Variants in TMEM135 observed in about 807,000 individuals in gnomAD.
The protein encoded by TMEM135 is transmembrane protein 135.
A neutral mutation model predicts 60.3 loss-of-function variants in TMEM135; 30 were observed. That is an observed-to-expected ratio of 0.50 (90% CI 0.37 to 0.68). The LOEUF (loss-of-function observed/expected upper bound fraction) is 0.68. Ranked by LOEUF, TMEM135 falls within the 30% of genes least tolerant of loss-of-function variation. TMEM135 has a pLI of 0.00. For missense variants in TMEM135, 468 were observed against 548.8 expected (o/e 0.85, Z 1.47); for synonymous variants, 190 against 186.7 (o/e 1.02, Z -0.14).
At chr11:87,189,749 G>A (rs902762981) in intron 5 of TMEM135, among the ~76,000 whole-genome samples, 7 of 114,994 alleles carry the variant, frequency 6.1e-5, no homozygotes, top group Admixed American at 5.1e-4. Context: ...GTGAGATCCC[G>A]TCTCCACAGA....
At chr11:87,174,807 T>C (rs979733711) in intron 5 of TMEM135, among the ~76,000 whole-genome samples, 4 of 152,180 alleles carry the variant, frequency 2.6e-5, no homozygotes, top group African/African-American at 7.2e-5. Context: ...AAAATAGTTT[T>C]GTTTGTCATA....
In TMEM135 at chr11:87,087,877, C is replaced by A. The variant is rs187162381; in HGVS notation, c.363-3485C>A. Among the ~76,000 whole-genome samples, 598 of 152,284 alleles carry A rather than the reference C, an allele frequency of 3.9e-3. 3 individuals are homozygous for A. The highest frequency in any genetic ancestry group is 0.014 in the African/African-American group (576 of 41,562). On this transcript the variant is annotated intron_variant, in intron 3 of 14. Coordinates refer to ENST00000305494, the MANE Select transcript of TMEM135 (RefSeq NM_022918.4). ...TCAGCCTCCCGAGTAGCTGGGATTA[C>A]AGGCATGCACCACCACGCCCAGCTA...
chr11:87,115,498 ACTTTGC>A, intron 4 of TMEM135, among the ~76,000 whole-genome samples: 1 of 152,262 alleles, frequency 6.6e-6, no homozygotes, highest in East Asian at 1.9e-4. Flanking sequence ...TTTTGTAATT[ACTTTGC>A]CTTTGACTTC....
chr11:87,044,458 C>T (rs1053449309), intron 1 of TMEM135, among the ~76,000 whole-genome samples: 2 of 152,096 alleles, frequency 1.3e-5, no homozygotes, highest in Non-Finnish European at 2.9e-5. Context: ...ATGTAAACTA[C>T]TCAGAATATC....
chr11:87,112,767 C>T (rs12280809), intron 4 of TMEM135, among the ~76,000 whole-genome samples: 11,599 of 150,962 alleles, frequency 0.077, 564 homozygotes, highest in Non-Finnish European at 0.1. Flanking sequence ...GATACAGGTT[C>T]TTATCATTTG....
At chr11:87,106,606 A>AT (rs142664106) in intron 4 of TMEM135, among the ~76,000 whole-genome samples, 2,271 of 151,988 alleles carry the variant, frequency 0.015, 61 homozygotes, top group African/African-American at 0.052. Context: ...TTCTATTTCA[A>AT]TTTTTTGGAA....
intron 5 of TMEM135, among the ~76,000 whole-genome samples, chr11:87,221,784 T>C (rs996569156): frequency 6.6e-6 from 1 of 152,204 alleles, no homozygotes; most frequent in Non-Finnish European, 1.5e-5. Flanking sequence ...ATCAAAATCA[T>C]TTTTACTGTT....
At chr11:87,070,194 C>T (rs939568371) in intron 2 of TMEM135, among the ~76,000 whole-genome samples, 1 of 151,866 alleles carries the variant, frequency 6.6e-6, no homozygotes, top group Non-Finnish European at 1.5e-5. Context: ...AAGCTTTATT[C>T]TTATATATAT....
At chr11:87,283,871 A>G (rs1249957400) in intron 6 of TMEM135, among the ~76,000 whole-genome samples, 1 of 152,236 alleles carries the variant, frequency 6.6e-6, no homozygotes, top group African/African-American at 2.4e-5. Flanking sequence ...AAATAAAAAA[A>G]GAAAAGAAAT....
chr11:87,150,035 T>C (rs1938515552), intron 4 of TMEM135, among the ~76,000 whole-genome samples: 2 of 151,996 alleles, frequency 1.3e-5, no homozygotes, highest in African/African-American at 4.8e-5. Context: ...CTGACTAACA[T>C]GGTGAAACCT....
At chr11:87,108,452 T>G (rs1857655456) in intron 4 of TMEM135, among the ~76,000 whole-genome samples, 1 of 152,096 alleles carries the variant, frequency 6.6e-6, no homozygotes, top group South Asian at 2.1e-4. Context: ...TTATTTTTCT[T>G]CTCTCTTAGA....
intron 3 of TMEM135, among the ~76,000 whole-genome samples, chr11:87,086,303 G>A (rs892695071): frequency 6.6e-6 from 1 of 152,056 alleles, no homozygotes; most frequent in African/African-American, 2.4e-5. Flanking sequence ...CACAGCCAGT[G>A]ATGCCCCCTG....
At chr11:87,112,823 T>C (rs1209203578) in intron 4 of TMEM135, among the ~76,000 whole-genome samples, 1 of 152,048 alleles carries the variant, frequency 6.6e-6, no homozygotes, top group African/African-American at 2.4e-5. Flanking sequence ...TTTTTTTTCT[T>C]CCAATAATGA....
At chr11:87,181,523 TCTGCAAAA>T (rs1191145791) in intron 5 of TMEM135, among the ~76,000 whole-genome samples, 2 of 152,178 alleles carry the variant, frequency 1.3e-5, no homozygotes, top group African/African-American at 4.8e-5. Context: ...TATATGACAT[TCTGCAAAA>T]GCAAAAACTG....
At chr11:87,139,674 A>G (rs1014133912) in intron 4 of TMEM135, among the ~76,000 whole-genome samples, 3 of 152,220 alleles carry the variant, frequency 2.0e-5, no homozygotes, top group South Asian at 2.1e-4. Context: ...CCAGCAATAT[A>G]TGAGAGTTCC....
chr11:87,127,774 T>C (rs1374825146), intron 4 of TMEM135, among the ~76,000 whole-genome samples: 1 of 152,224 alleles, frequency 6.6e-6, no homozygotes, highest in Non-Finnish European at 1.5e-5. Context: ...TTTCAGCATG[T>C]CTGTTCCTAG....
intron 4 of TMEM135, among the ~76,000 whole-genome samples, chr11:87,139,614 G>T (rs1331686593): frequency 6.6e-6 from 1 of 152,136 alleles, no homozygotes; most frequent in Non-Finnish European, 1.5e-5. Flanking sequence ...TAAATTTACA[G>T]GAAACTGACA....
chr11:87,251,644 C>T (rs1301033228), intron 6 of TMEM135, among the ~76,000 whole-genome samples: 1 of 151,670 alleles, frequency 6.6e-6, no homozygotes, highest in Admixed American at 6.6e-5. Flanking sequence ...TATAAATTTC[C>T]CAGAAAAATA....
intron 2 of TMEM135, among the ~76,000 whole-genome samples, chr11:87,069,436 A>AG (rs1856733760): frequency 6.6e-6 from 1 of 152,158 alleles, no homozygotes; most frequent in South Asian, 2.1e-4. Context: ...TGAAGATACT[A>AG]GGAGACCATA....
Sources: gnomAD v4.1 joint callset for allele counts (sites outside exome capture counted in the v4.1 genomes callset) on GRCh38, gnomAD v4.1.1 for gene constraint, MANE v1.5 for transcripts, NCBI Gene and HGNC (gene_info 2026-07-23, HGNC 2026-07-21) for gene names.